MAN1C1: variants seen among roughly 807,000 people sequenced by gnomAD.
MAN1C1 encodes mannosyl-oligosaccharide 1,2-alpha-mannosidase IC.
MAN1C1 carries 49 observed loss-of-function variants against 71.5 expected under a neutral mutation model. That is an observed-to-expected ratio of 0.69 (90% CI 0.54 to 0.87). The LOEUF (loss-of-function observed/expected upper bound fraction) is 0.87. Ranked by LOEUF, MAN1C1 falls within the 40% of genes least tolerant of loss-of-function variation. MAN1C1 has a pLI of 0.00. For synonymous variants in MAN1C1, 352 were observed against 343.7 expected (o/e 1.02, Z -0.27); for missense variants, 743 against 835.0 (o/e 0.89, Z 1.36).
intron 1 of MAN1C1, among the ~76,000 whole-genome samples, chr1:25,618,749 C>CT (rs1386887749): frequency 3.3e-5 from 5 of 152,126 alleles, no homozygotes; most frequent in Non-Finnish European, 1.5e-5. Context: ...TGGTCCCATT[C>CT]TTTTTCACTG....
At chr1:25,758,739 G>A (rs751693087) in intron 6 of MAN1C1, 30 bp downstream of exon 6, 12 of 1,578,924 alleles carry the variant, frequency 7.6e-6, no homozygotes, top group Admixed American at 1.7e-5. Flanking sequence ...TTCTTCCTGC[G>A]GAGCAGAGGG....
chr1:25,684,556 G>C (rs1359610788), intron 1 of MAN1C1, among the ~76,000 whole-genome samples: 2 of 152,240 alleles, frequency 1.3e-5, no homozygotes, highest in African/African-American at 4.8e-5. Context: ...TGGGGCAGTG[G>C]TGCTAGATTA....
chr1:25,698,075 A>C (rs1485096178), intron 2 of MAN1C1, among the ~76,000 whole-genome samples: 1 of 152,176 alleles, frequency 6.6e-6, no homozygotes, highest in Non-Finnish European at 1.5e-5. Flanking sequence ...CTCCCACACC[A>C]GCTGCCTCAA....
intron 1 of MAN1C1, among the ~76,000 whole-genome samples, chr1:25,656,505 C>T (rs1400613351): frequency 6.6e-6 from 1 of 152,190 alleles, no homozygotes; most frequent in African/African-American, 2.4e-5. Context: ...CCCAAGTGTT[C>T]ACTGAAATAC....
chr1:25,623,452 GGT>G (rs950840648), intron 1 of MAN1C1, among the ~76,000 whole-genome samples: 4 of 136,290 alleles, frequency 2.9e-5, no homozygotes, highest in African/African-American at 1.4e-4. Flanking sequence ...AGTTAGTGGT[GGT>G]GGGGGGGGGT....
In MAN1C1 at chr1:25,711,633, GCTCCCTGCGGCCCCGCCCCTC is replaced by G. The variant is rs1271023405; in HGVS notation, c.637+25120_637+25140del. 4.6e-5 allele frequency among the ~76,000 whole-genome samples: 7 copies of G among 151,866 alleles called. No individual in the cohort carries two copies. The highest frequency in any genetic ancestry group is 6.6e-5 in the Admixed American group (1 of 15,256). On this transcript the variant is annotated intron_variant, in intron 2 of 11. Transcript: ENST00000374332. This position sits in a 1 kb window ranked among gnomAD's most constrained non-coding sequence, Gnocchi z 4.3. Reference sequence around the variant, plus strand: ...TGAGCACCACTGTGTGCCAGGCCCTGCTCCCTGCGGCCCCGCCCCTCCTCCCTGCGGCCCCGCCCCTCCCCT... The same window carrying G: ...TGAGCACCACTGTGTGCCAGGCCCTGCTCCCTGCGGCCCCGCCCCTCCCCT...
intron 1 of MAN1C1, among the ~76,000 whole-genome samples, chr1:25,637,796 T>C (rs149172966): frequency 1.0e-3 from 156 of 152,262 alleles, no homozygotes; most frequent in African/African-American, 3.6e-3. Context: ...TATACATGTA[T>C]TTCTTCATTT....
At chr1:25,694,622 C>T (rs1438579017) in intron 2 of MAN1C1, among the ~76,000 whole-genome samples, 4 of 152,172 alleles carry the variant, frequency 2.6e-5, no homozygotes, top group Admixed American at 1.3e-4. Flanking sequence ...TGCTTTTTGG[C>T]GTGTGACTTA....
rs1474274834 is a variant in MAN1C1 at position 25,782,995 on chromosome 1, C to A, written c.1766+295C>A. Reference sequence around the variant, plus strand: ...TTGCTTCCGTTCTGGGAACCGCGTCCTCGTGTGTAAAATGGGATAGGGTTA... The same window carrying A: ...TTGCTTCCGTTCTGGGAACCGCGTCATCGTGTGTAAAATGGGATAGGGTTA... On this transcript the variant is annotated intron_variant, in intron 11 of 11. Coordinates refer to ENST00000374332, the MANE Select transcript of MAN1C1 (RefSeq NM_020379.4). This position sits in a 1 kb window ranked among gnomAD's most constrained non-coding sequence, Gnocchi z 4.4. Among the ~76,000 whole-genome samples, 1 of 152,174 alleles carries A rather than the reference C, an allele frequency of 6.6e-6. No homozygotes were observed. Among genetic ancestry groups the A allele is most frequent in the African/African-American group, 2.4e-5 (1 of 41,432 alleles).
chr1:25,688,644 A>G (rs1159967938), intron 2 of MAN1C1, among the ~76,000 whole-genome samples: 1 of 152,164 alleles, frequency 6.6e-6, no homozygotes, highest in Non-Finnish European at 1.5e-5. Context: ...GAATGGTGGA[A>G]AGAACCCGGA....
At chr1:25,660,776 G>A (rs2045836311) in intron 1 of MAN1C1, among the ~76,000 whole-genome samples, 2 of 151,376 alleles carry the variant, frequency 1.3e-5, no homozygotes, top group Admixed American at 6.6e-5. Context: ...CTGCAGATTC[G>A]AACTCCTGGG....
intron 1 of MAN1C1, among the ~76,000 whole-genome samples, chr1:25,643,787 A>G (rs777814068): frequency 6.6e-6 from 1 of 151,906 alleles, no homozygotes; most frequent in Non-Finnish European, 1.5e-5. Context: ...GATTACAGGC[A>G]TAAGCCACCG....
intron 3 of MAN1C1, among the ~76,000 whole-genome samples, chr1:25,747,461 G>A (rs955930381): frequency 5.3e-5 from 8 of 152,236 alleles, no homozygotes; most frequent in Non-Finnish European, 1.2e-4. Context: ...CCCACGGAGA[G>A]AGGCTATTTA....
intron 2 of MAN1C1, among the ~76,000 whole-genome samples, chr1:25,697,000 A>G (rs1327129807): frequency 6.6e-6 from 1 of 152,144 alleles, no homozygotes; most frequent in Non-Finnish European, 1.5e-5. Context: ...TCTGCTTTAA[A>G]ATTCTGTATT....
intron 2 of MAN1C1, among the ~76,000 whole-genome samples, chr1:25,743,339 G>A (rs1206870105): frequency 6.6e-5 from 10 of 152,208 alleles, no homozygotes; most frequent in Non-Finnish European, 1.5e-4. Context: ...CTAGGGAAGC[G>A]TCCAAGCTGG....
chr1:25,624,998 AT>A (rs1032269792), intron 1 of MAN1C1, among the ~76,000 whole-genome samples: 1,352 of 101,566 alleles, frequency 0.013, 2 homozygotes, highest in African/African-American at 0.029. Flanking sequence ...AAATGCACAG[AT>A]TTTTTTTTTT....
chr1:25,627,220 T>C (rs1297551773), intron 1 of MAN1C1, among the ~76,000 whole-genome samples: 1 of 152,232 alleles, frequency 6.6e-6, no homozygotes, highest in Non-Finnish European at 1.5e-5. Flanking sequence ...TTTTCCACTC[T>C]AGTGATTTAT....
rs940697548 is a variant in MAN1C1, at chr1:25,776,194, G to A, written c.1258-1911G>A. Among the ~76,000 whole-genome samples the A allele has an allele frequency of 1.3e-5, 2 of 148,736 alleles. No homozygotes were observed. The highest frequency in any genetic ancestry group is 2.2e-4 in the East Asian group (1 of 4,568). The stretch of plus-strand genomic sequence containing the variant: ...GAGCCACTGCGTCCAGCCCCTCCCC[G>A]CATACCCCTGCATTTTTTAATCTCA... On this transcript the variant is annotated intron_variant, in intron 8 of 11. Transcript: ENST00000374332. The surrounding 1 kb of genome is among the most constrained non-coding windows in gnomAD (Gnocchi z 4.3).
chr1:25,732,519 G>A (rs913974047), intron 2 of MAN1C1, among the ~76,000 whole-genome samples: 1 of 152,196 alleles, frequency 6.6e-6, no homozygotes, highest in Non-Finnish European at 1.5e-5. Context: ...TGCTGTCTGT[G>A]GTGCGCTCAG....
Sources: gnomAD v4.1 joint callset for allele counts (sites outside exome capture counted in the v4.1 genomes callset) on GRCh38, gnomAD v4.1.1 for gene constraint, Gnocchi (gnomAD v3.1) non-coding constraint, MANE v1.5 for transcripts, NCBI Gene and HGNC (gene_info 2026-07-23, HGNC 2026-07-21) for gene names.